TMEM272: variants seen among roughly 807,000 people sequenced by gnomAD.
TMEM272 encodes transmembrane protein 272, also known as long intergenic non-protein coding RNA 282.
A neutral mutation model predicts 3.7 loss-of-function variants in TMEM272; 8 were observed. The observed-to-expected ratio is 2.17, with a 90% confidence interval of 1.27 to 3.91. The LOEUF (loss-of-function observed/expected upper bound fraction) is 3.91, where lower values mean the gene tolerates loss of function less well. Among genes scored for constraint, TMEM272 ranks in the 30% most tolerant of loss-of-function variants. TMEM272 has a pLI of 0.00. For synonymous variants in TMEM272, 63 were observed against 39.8 expected (o/e 1.58, Z -2.20); for missense variants, 166 against 91.5 (o/e 1.81, Z -3.32).
At chr13:51,889,744 T>G in the TMEM272 span, among the ~76,000 whole-genome samples, 1 of 152,074 alleles carries the variant, frequency 6.6e-6, no homozygotes, top group Non-Finnish European at 1.5e-5. Flanking sequence ...TGGGTTCAAG[T>G]GATTCTCCCG....
At chr13:51,877,613 C>G in the TMEM272 span, among the ~76,000 whole-genome samples, 16 of 152,186 alleles carry the variant, frequency 1.1e-4, no homozygotes, top group Admixed American at 3.3e-4. Context: ...GTAAATTTCT[C>G]CAAATTATTT....
chr13:51,882,063 T>C, the TMEM272 span, among the ~76,000 whole-genome samples: 1 of 152,294 alleles, frequency 6.6e-6, no homozygotes, highest in South Asian at 2.1e-4. Flanking sequence ...ATTTACGAAA[T>C]TGTATTTCTT....
chr13:51,897,414 A>G, the TMEM272 span, among the ~76,000 whole-genome samples: 1 of 101,878 alleles, frequency 9.8e-6, no homozygotes, highest in Non-Finnish European at 1.9e-5. Context: ...GAGTCTCATT[A>G]TGTTGCCCAG....
At chr13:51,925,496 T>C in the TMEM272 span, among the ~76,000 whole-genome samples, 2 of 151,978 alleles carry the variant, frequency 1.3e-5, no homozygotes, top group East Asian at 3.9e-4. Flanking sequence ...TAAATAGCAA[T>C]ACACACATCC....
the TMEM272 span, among the ~76,000 whole-genome samples, chr13:51,929,172 G>C: frequency 6.6e-6 from 1 of 152,230 alleles, no homozygotes; most frequent in East Asian, 1.9e-4. Context: ...ACTCCTGTTT[G>C]AGGACAGAGT....
rs1161932990 is a variant in TMEM272 at position 51,816,523 on chromosome 13, G to C, written c.*228C>G. 2 of 477,126 alleles carry C rather than the reference G, an allele frequency of 4.2e-6. No individual in the cohort carries two copies. The highest frequency in any genetic ancestry group is 1.9e-5 in the African/African-American group (1 of 52,300). 29.6% of individuals were successfully genotyped at this position (477,126 alleles called of 1,614,324 possible). ...GAGAACAAAATTCCCACTCTGAAAA[G>C]AGCAGAAGTGATTTCCCCATGTCTA... On this transcript the variant is annotated 3_prime_UTR_variant, in exon 5 of 5. Coordinates refer to ENST00000629372, the MANE Select transcript of TMEM272 (RefSeq NM_001351003.2).
At chr13:51,837,835 G>A (rs1434796491) in intron 2 of TMEM272, among the ~76,000 whole-genome samples, 3 of 152,226 alleles carry the variant, frequency 2.0e-5, no homozygotes, top group Non-Finnish European at 4.4e-5. Flanking sequence ...CCCACTGACT[G>A]CAGCTTCCTG....
At chr13:51,921,545 T>G in the TMEM272 span, 1 of 152,462 alleles carries the variant, frequency 6.6e-6, no homozygotes, top group African/African-American at 2.4e-5. Flanking sequence ...GGGGCACCCC[T>G]GGGGGCTGTG....
At chr13:51,868,765 G>A in the TMEM272 span, among the ~76,000 whole-genome samples, 1 of 152,184 alleles carries the variant, frequency 6.6e-6, no homozygotes, top group Non-Finnish European at 1.5e-5. Context: ...GTGTTTCAGA[G>A]TCCTGCTCAT....
the TMEM272 span, among the ~76,000 whole-genome samples, chr13:51,924,246 A>G: frequency 6.6e-6 from 1 of 151,934 alleles, no homozygotes; most frequent in Non-Finnish European, 1.5e-5. Context: ...TTAAAACAAA[A>G]CAACAACCAA....
At chr13:51,838,285 T>C (rs1956232856) in intron 2 of TMEM272, among the ~76,000 whole-genome samples, 188 bp downstream of exon 2, 1 of 152,104 alleles carries the variant, frequency 6.6e-6, no homozygotes, top group Non-Finnish European at 1.5e-5. Context: ...AAAGATGAAT[T>C]GGTAAGGAAT....
chr13:51,890,255 G>T, the TMEM272 span, among the ~76,000 whole-genome samples: 1 of 152,158 alleles, frequency 6.6e-6, no homozygotes, highest in East Asian at 1.9e-4. Flanking sequence ...AATATTGGAG[G>T]TGGGGCCTAA....
the TMEM272 span, among the ~76,000 whole-genome samples, chr13:51,883,598 G>A: frequency 6.6e-6 from 1 of 152,172 alleles, no homozygotes; most frequent in Non-Finnish European, 1.5e-5. Flanking sequence ...TTGGTTAAAA[G>A]GCATCATCCA....
At chr13:51,887,573 T>C in the TMEM272 span, among the ~76,000 whole-genome samples, 1 of 152,236 alleles carries the variant, frequency 6.6e-6, no homozygotes, top group African/African-American at 2.4e-5. Context: ...ACAATGAATG[T>C]TTCTGCTGTG....
the TMEM272 span, among the ~76,000 whole-genome samples, chr13:51,879,698 C>T: frequency 1.3e-5 from 2 of 152,190 alleles, no homozygotes; most frequent in African/African-American, 4.8e-5. Flanking sequence ...AATTTCAGAT[C>T]ACCTGCTTTG....
chr13:51,911,361 C>T, the TMEM272 span, among the ~76,000 whole-genome samples: 18 of 152,366 alleles, frequency 1.2e-4, no homozygotes, highest in African/African-American at 3.8e-4. Flanking sequence ...CTGAAAAACA[C>T]TAGTCTCATC....
At chr13:51,852,865 A>G in the TMEM272 span, among the ~76,000 whole-genome samples, 1 of 150,252 alleles carries the variant, frequency 6.7e-6, no homozygotes, top group Non-Finnish European at 1.5e-5. Flanking sequence ...CTGGGTAAAA[A>G]GAGCAAAACT....
At chr13:51,836,306 T>C (rs1956216134) in intron 2 of TMEM272, among the ~76,000 whole-genome samples, 1 of 152,116 alleles carries the variant, frequency 6.6e-6, no homozygotes, top group Non-Finnish European at 1.5e-5. Flanking sequence ...GCTTCCAGAA[T>C]GATAAGCCAA....
chr13:51,861,372 A>T, the TMEM272 span, among the ~76,000 whole-genome samples: 4 of 152,214 alleles, frequency 2.6e-5, no homozygotes, highest in Admixed American at 2.0e-4. Flanking sequence ...TGCACAAAAA[A>T]GGGTAACTAT....
Sources: allele counts gnomAD v4.1 joint callset (sites outside exome capture counted in the v4.1 genomes callset), GRCh38; gene constraint gnomAD v4.1.1; transcripts MANE v1.5; gene names NCBI Gene and HGNC (gene_info 2026-07-23, HGNC 2026-07-21).